Variants in NFIA observed in about 807,000 individuals in gnomAD.
The protein encoded by NFIA is nuclear factor 1 A-type.
In NFIA, 8 loss-of-function variants were observed where a neutral mutation model predicts 62.8. The observed-to-expected ratio is 0.13, with a 90% CI of 0.07 to 0.23. The LOEUF (loss-of-function observed/expected upper bound fraction) is 0.23. NFIA is among the 10% of genes least tolerant of loss of function. The probability of loss-of-function intolerance (pLI) is 1.00; values close to 1 mark genes in which losing one functional copy is unlikely to be tolerated. For synonymous variants in NFIA, 235 were observed against 238.1 expected, an observed-to-expected ratio of 0.99 and a Z score of 0.12; for missense variants, 410 against 642.1, an observed-to-expected ratio of 0.64 and a Z score of 3.91.
intron 2 of NFIA, among the ~76,000 whole-genome samples, chr1:61,241,345 T>C (rs1287998354): frequency 6.6e-6 from 1 of 152,174 alleles, no homozygotes; most frequent in Admixed American, 6.6e-5. Flanking sequence ...TTTAAGCTGC[T>C]TTCGTGCAAT....
intron 2 of NFIA, among the ~76,000 whole-genome samples, chr1:61,213,661 G>A (rs2100606732): frequency 6.6e-6 from 1 of 152,242 alleles, no homozygotes; most frequent in Non-Finnish European, 1.5e-5. Context: ...GATTGCTTGA[G>A]TACAGTTCCT....
chr1:61,367,399 G>T lies in NFIA; in HGVS notation c.946+8125G>T, dbSNP rs145237563. ...CTCCCATCATCTCTTGCTGGAGTAG[G>T]AATAGTCACTGCTACAGAACATTGC... On this transcript the variant is annotated intron_variant, in intron 6 of 10. Transcript: ENST00000403491. Among the ~76,000 whole-genome samples the T allele has an allele frequency of 2.6e-3, 389 of 152,282 alleles. 3 individuals are homozygous for T. The highest frequency in any genetic ancestry group is 9.0e-3 in the African/African-American group (374 of 41,562).
At chr1:61,127,712 A>C (rs1345491239) in intron 2 of NFIA, among the ~76,000 whole-genome samples, 1 of 152,198 alleles carries the variant, frequency 6.6e-6, no homozygotes, top group Non-Finnish European at 1.5e-5. Flanking sequence ...ATGCCCTTAA[A>C]AATGGAAAAA....
chr1:61,240,818 T>G (rs996919971), intron 2 of NFIA, among the ~76,000 whole-genome samples: 2 of 152,144 alleles, frequency 1.3e-5, no homozygotes, highest in African/African-American at 2.4e-5. Flanking sequence ...GAGAAATATT[T>G]TCAAGGACAG....
intron 4 of NFIA, among the ~76,000 whole-genome samples, chr1:61,342,193 A>AT (rs113110354): frequency 0.022 from 3,293 of 146,666 alleles, 87 homozygotes; most frequent in African/African-American, 0.067. Flanking sequence ...ATTGAAAACT[A>AT]TTTTTTTTTT....
chr1:61,273,354 G>A (rs538784794), intron 2 of NFIA, among the ~76,000 whole-genome samples: 1 of 152,242 alleles, frequency 6.6e-6, no homozygotes, highest in South Asian at 2.1e-4. Context: ...GTGGATCATA[G>A]GAGGTGATTG....
chr1:61,444,372 G>A (rs1667714747), intron 10 of NFIA, among the ~76,000 whole-genome samples: 1 of 152,202 alleles, frequency 6.6e-6, no homozygotes, highest in African/African-American at 2.4e-5. Flanking sequence ...ACTTGGTGCT[G>A]CGTAGCCTCT....
At chr1:61,182,819 T>C (rs1466248994) in intron 2 of NFIA, among the ~76,000 whole-genome samples, 1 of 152,218 alleles carries the variant, frequency 6.6e-6, no homozygotes, top group East Asian at 1.9e-4. Flanking sequence ...TTAATTATTG[T>C]TTATGAAGAT....
chr1:61,273,845 CTTTG>C (rs1034697015), intron 2 of NFIA, among the ~76,000 whole-genome samples: 4 of 152,118 alleles, frequency 2.6e-5, no homozygotes, highest in Non-Finnish European at 5.9e-5. Flanking sequence ...AATATTCTAT[CTTTG>C]TTTATTGCCT....
intron 2 of NFIA, among the ~76,000 whole-genome samples, chr1:61,229,265 A>C (rs1449951499): frequency 1.6e-4 from 24 of 152,174 alleles, no homozygotes; most frequent in African/African-American, 7.2e-5. Flanking sequence ...TATTCTTAGA[A>C]AGATAAATTA....
At chr1:61,334,555 GTATATATATATA>G (rs56259392) in intron 4 of NFIA, among the ~76,000 whole-genome samples, 7,178 of 97,346 alleles carry the variant, frequency 0.074, 950 homozygotes, top group East Asian at 0.16. Context: ...GTGTGTGTGT[GTATATATATATA>G]TATATATATA....
intron 2 of NFIA, among the ~76,000 whole-genome samples, chr1:61,234,538 C>G (rs1290659260): frequency 6.6e-6 from 1 of 152,124 alleles, no homozygotes; most frequent in Non-Finnish European, 1.5e-5. Flanking sequence ...TTTCTACCCA[C>G]CTACCATATT....
chr1:61,449,842 A>G (rs1010598017), intron 10 of NFIA, among the ~76,000 whole-genome samples: 3 of 152,274 alleles, frequency 2.0e-5, no homozygotes, highest in Non-Finnish European at 2.9e-5. Context: ...AGTACCAGTA[A>G]CTAACACCTG....
At chr1:61,092,364 T>C (rs967944255) in intron 2 of NFIA, among the ~76,000 whole-genome samples, 1 of 152,186 alleles carries the variant, frequency 6.6e-6, no homozygotes, top group Non-Finnish European at 1.5e-5. Context: ...TGAGTACTTG[T>C]TAGTTTTAAG....
intron 2 of NFIA, among the ~76,000 whole-genome samples, chr1:61,154,265 C>T (rs1368039850): frequency 6.6e-6 from 1 of 152,178 alleles, no homozygotes; most frequent in Non-Finnish European, 1.5e-5. Context: ...CCCAGATTCT[C>T]CTACCTCAGC....
Position 61,151,477 on chromosome 1 carries a change from ATTTCT to A in NFIA, c.559+62800_559+62804del, listed in dbSNP as rs1274723155. Among the ~76,000 whole-genome samples the A allele has an allele frequency of 4.7e-5, 7 of 150,416 alleles. 1 individual carries two copies. In the Admixed American group the frequency reaches 4.7e-4, roughly 10 times the overall value. ...TTTCATTTTAGTCTGCGGGTGATTG[ATTTCT>A]TTCTTTCAAGGGGCTGGTTGAGGAG... On this transcript the variant is annotated intron_variant, in intron 2 of 10. Transcript: ENST00000403491.
intron 6 of NFIA, among the ~76,000 whole-genome samples, chr1:61,373,753 A>G (rs1467389024): frequency 6.6e-6 from 1 of 151,940 alleles, no homozygotes; most frequent in African/African-American, 2.4e-5. Flanking sequence ...TTTTTTTCCC[A>G]TTATACAGTT....
In NFIA at chr1:61,088,069, C is replaced by G. The variant is rs549935857; in HGVS notation, c.28-80C>G. 28 of 1,392,286 alleles carry G rather than the reference C, an allele frequency of 2.0e-5. No individual in the cohort carries two copies. Among genetic ancestry groups the G allele is most frequent in the South Asian group, 4.3e-5 (3 of 70,092 alleles). 86.2% of individuals were successfully genotyped at this position (1,392,286 alleles called of 1,614,324 possible). ...TTCAAGTGAAATGAGGAATTTCTTT[C>G]TTAAGGTGACCCGCTGAAGAAAAGT... is the stretch of plus-strand genomic sequence containing the variant. On this transcript the variant is annotated intron_variant, in intron 1 of 10. Transcript: ENST00000403491. The surrounding 1 kb of genome is among the most constrained non-coding windows in gnomAD (Gnocchi z 4.5).
chr1:61,317,211 TTCTC>T (rs1660412226), intron 3 of NFIA, among the ~76,000 whole-genome samples: 1 of 152,056 alleles, frequency 6.6e-6, no homozygotes, highest in Non-Finnish European at 1.5e-5. Context: ...TTTTAATTCT[TTCTC>T]TATATACTTC....
Sources: gnomAD v4.1 joint callset for allele counts (sites outside exome capture counted in the v4.1 genomes callset) on GRCh38, gnomAD v4.1.1 for gene constraint, Gnocchi (gnomAD v3.1) non-coding constraint, MANE v1.5 for transcripts, NCBI Gene and HGNC (gene_info 2026-07-23, HGNC 2026-07-21) for gene names.